ZNF146: variants seen among roughly 807,000 people sequenced by gnomAD.
ZNF146 encodes zinc finger protein 146, also known as zinc finger protein OZF.
A neutral mutation model predicts 22.2 loss-of-function variants in ZNF146; 9 were observed. The observed-to-expected ratio is 0.41, with a 90% confidence interval of 0.24 to 0.71. The LOEUF is 0.71. Among genes scored for constraint, ZNF146 ranks in the 30% least tolerant of loss-of-function variants. The pLI is 0.34. For synonymous variants in ZNF146, 108 were observed against 119.2 expected (o/e 0.91, Z 0.61); for missense variants, 194 against 344.8 (o/e 0.56, Z 3.46).
rs1977631226 is a variant in ZNF146, at chr19:36,235,977, GT to G, written c.-461del. On this transcript the variant is annotated 5_prime_UTR_variant, in exon 4 of 4. It removes the in-frame stop codon of an upstream open reading frame in the 5' UTR. Coordinates refer to ENST00000443387, the MANE Select transcript of ZNF146 (RefSeq NM_007145.3). Reference sequence around the variant, plus strand: ...CCCCCTTTAAGTGTAAATGTCTTTGGTTTAAAACGTTTGTACCTCATCTGTT... The same window carrying G: ...CCCCCTTTAAGTGTAAATGTCTTTGGTTAAAACGTTTGTACCTCATCTGTT... 1 of 157,580 alleles carries G rather than the reference GT, an allele frequency of 6.3e-6. No individual in the cohort carries two copies. Among genetic ancestry groups the G allele is most frequent in the African/African-American group, 2.4e-5 (1 of 41,470 alleles). The allele number at this position is 157,580 out of a possible 1,614,324, so 9.8% of individuals were successfully genotyped here. A position where few individuals can be genotyped will look rare whatever the true frequency, so the allele number is the denominator to read the frequency against.
At chr19:36,228,140 A>G (rs1454589533) in intron 2 of ZNF146, among the ~76,000 whole-genome samples, 1 of 146,626 alleles carries the variant, frequency 6.8e-6, no homozygotes, top group African/African-American at 2.5e-5. Flanking sequence ...AGCCTGGGCA[A>G]CAGGAGTGAA....
intron 1 of ZNF146, among the ~76,000 whole-genome samples, chr19:36,216,248 G>C (rs1599953690): frequency 6.6e-6 from 1 of 152,138 alleles, no homozygotes; most frequent in African/African-American, 2.4e-5. Flanking sequence ...TATTAGGAAA[G>C]AACTTTAAAA....
In ZNF146 at chr19:36,236,678, T is replaced by C. The variant is rs1977656649; in HGVS notation, c.238T>C (p.Ser80Pro). 3 of 1,613,986 alleles carry C rather than the reference T, an allele frequency of 1.9e-6. No homozygotes were observed. The highest frequency in any genetic ancestry group is 2.5e-6 in the Non-Finnish European group (3 of 1,179,994). ...KLFECNECGK[S>P]FSQKENLLTH... ...TTTCGAATGTAATGAATGTGGAAAA[T>C]CATTTAGCCAGAAGGAAAACCTCCT... is the stretch of plus-strand genomic sequence containing the variant. Residue 80 changes from serine to proline, a missense_variant, in exon 4 of 4, where the codon TCA (serine) becomes CCA (proline). Ser to Pro is a moderately conservative substitution (Grantham distance 74, BLOSUM62 -1). Around this residue, in one of 2 missense-constraint regions of ZNF146, gnomAD observed 147 missense variants for 300.1 expected, o/e 0.49. Transcript: ENST00000443387.
chr19:36,237,206 G>A lies in ZNF146; in HGVS notation c.766G>A (p.Ala256Thr). 6.2e-7 allele frequency: 1 copy of A among 1,614,018 alleles called. No individual in the cohort carries two copies. Among genetic ancestry groups the A allele is most frequent in the Non-Finnish European group, 8.5e-7 (1 of 1,179,956 alleles). Residue 256 changes from alanine to threonine, a missense_variant, in exon 4 of 4, where the codon GCT becomes ACT. Around this residue, in one of 2 missense-constraint regions of ZNF146, gnomAD observed 147 missense variants for 300.1 expected, o/e 0.49. Coordinates refer to ENST00000443387, the MANE Select transcript of ZNF146 (RefSeq NM_007145.3). ...AGCTTTCTCTCAGTTCTCAACCCTT[G>A]CTCTGCATTTGAGAATACACACAGG... ...GKAFSQFSTL[A>T]LHLRIHTGKK... is the part of the protein sequence containing the mutation.
At chr19:36,221,337 G>A (rs1322227064) in intron 2 of ZNF146, among the ~76,000 whole-genome samples, 1 of 127,688 alleles carries the variant, frequency 7.8e-6, no homozygotes, top group East Asian at 2.3e-4. Flanking sequence ...CCCCTAGGCT[G>A]GAGTGCAGTG....
At chr19:36,226,758 T>C (rs1398599554) in intron 2 of ZNF146, among the ~76,000 whole-genome samples, 2 of 152,214 alleles carry the variant, frequency 1.3e-5, no homozygotes, top group African/African-American at 2.4e-5. Flanking sequence ...TCAAATTTGG[T>C]CAGTCATCCC....
chr19:36,223,381 G>C (rs1555741799), intron 2 of ZNF146, among the ~76,000 whole-genome samples: 1 of 149,718 alleles, frequency 6.7e-6, no homozygotes, highest in African/African-American at 2.5e-5. Context: ...TTTTCTTTTT[G>C]AGATGGAGTA....
intron 3 of ZNF146, among the ~76,000 whole-genome samples, chr19:36,233,849 TC>T (rs1431810641): frequency 6.6e-6 from 1 of 152,190 alleles, no homozygotes; most frequent in Non-Finnish European, 1.5e-5. Context: ...ACAGATGCCT[TC>T]CTCTTATCTC....
At chr19:36,224,977 C>T (rs2145419352) in intron 2 of ZNF146, among the ~76,000 whole-genome samples, 1 of 83,968 alleles carries the variant, frequency 1.2e-5, no homozygotes, top group East Asian at 2.9e-4. Context: ...CCCTGCTTTC[C>T]TTAGTTATTT....
At chr19:36,222,869 T>A (rs1039880617) in intron 2 of ZNF146, among the ~76,000 whole-genome samples, 2 of 140,904 alleles carry the variant, frequency 1.4e-5, no homozygotes, top group Admixed American at 1.4e-4. Context: ...AAATAAGAGG[T>A]TTTGTTTTAA....
At chr19:36,230,482 A>G (rs2145439706) in intron 3 of ZNF146, among the ~76,000 whole-genome samples, 1 of 152,236 alleles carries the variant, frequency 6.6e-6, no homozygotes, top group African/African-American at 2.4e-5. Flanking sequence ...AGAGAGGGCT[A>G]GTTGGGGTTG....
chr19:36,231,202 A>G (rs1000587007), intron 3 of ZNF146, among the ~76,000 whole-genome samples: 1 of 151,990 alleles, frequency 6.6e-6, no homozygotes, highest in Non-Finnish European at 1.5e-5. Flanking sequence ...GTCTCTACTA[A>G]AAATACAAAA....
chr19:36,227,146 T>C (rs1977103860), intron 2 of ZNF146, among the ~76,000 whole-genome samples: 1 of 151,380 alleles, frequency 6.6e-6, no homozygotes, highest in South Asian at 2.1e-4. Context: ...CCCAGCACTT[T>C]GGGAGGCAGA....
intron 2 of ZNF146, among the ~76,000 whole-genome samples, chr19:36,222,066 A>C (rs1250989608): frequency 6.7e-6 from 1 of 150,118 alleles, no homozygotes; most frequent in Non-Finnish European, 1.5e-5. Context: ...TGTAGCTGGG[A>C]CCACAGGCAC....
At chr19:36,223,259 A>C (rs1976930181) in intron 2 of ZNF146, among the ~76,000 whole-genome samples, 1 of 152,034 alleles carries the variant, frequency 6.6e-6, no homozygotes, top group Non-Finnish European at 1.5e-5. Context: ...TCTACTAAAA[A>C]TACAAAAAAT....
rs1344916595 is a variant in ZNF146 at position 36,221,374 on chromosome 19, C to T, written c.-855+3179C>T. Among the ~76,000 whole-genome samples the T allele has an allele frequency of 8.1e-5, 12 of 148,412 alleles. No individual in the cohort carries two copies. The East Asian group carries it at 1.0e-3, about 12-fold the overall frequency. ...CGCAATCTCGGCTCACTGCAAGCTC[C>T]GCCTCCCGGGTTCACGCCATTCTTC... On this transcript the variant is annotated intron_variant, in intron 2 of 3. Coordinates refer to ENST00000443387, the MANE Select transcript of ZNF146 (RefSeq NM_007145.3).
At chr19:36,220,306 A>G (rs1030869933) in intron 2 of ZNF146, among the ~76,000 whole-genome samples, 11 of 146,386 alleles carry the variant, frequency 7.5e-5, no homozygotes, top group Admixed American at 2.1e-4. Flanking sequence ...TTTCTAATTC[A>G]CTTTAAATGG....
chr19:36,232,680 C>G (rs370509802), intron 3 of ZNF146, among the ~76,000 whole-genome samples: 18 of 150,340 alleles, frequency 1.2e-4, no homozygotes, highest in African/African-American at 3.9e-4. Context: ...GCGATCTGGG[C>G]TCACTACAAC....
At chr19:36,222,335 T>C (rs983713006) in intron 2 of ZNF146, among the ~76,000 whole-genome samples, 1 of 152,234 alleles carries the variant, frequency 6.6e-6, no homozygotes, top group South Asian at 2.1e-4. Context: ...ATCCCGTTGT[T>C]GAGCATTTGG....
Sources: gnomAD v4.1 joint callset for allele counts (sites outside exome capture counted in the v4.1 genomes callset) on GRCh38, gnomAD v4.1.1 for gene constraint, gnomAD v4.1.1 regional missense constraint, MANE v1.5 for transcripts, NCBI Gene and HGNC (gene_info 2026-07-23, HGNC 2026-07-21) for gene names.